RSPH14: variants seen among roughly 807,000 people sequenced by gnomAD.
The protein encoded by RSPH14 is rhabdoid tumor deletion region gene 1.
RSPH14 carries 20 observed loss-of-function variants against 26.7 expected under a neutral mutation model. The observed-to-expected ratio is 0.75, with a 90% CI of 0.53 to 1.09. The LOEUF is 1.09. RSPH14 is among the 50% of genes least tolerant of loss of function. The pLI is 0.00. For missense variants in RSPH14, 449 were observed against 457.2 expected (o/e 0.98, Z 0.16); for synonymous variants, 177 against 189.3 (o/e 0.93, Z 0.53).
At chr22:23,124,645 T>C (rs552603708) in intron 4 of RSPH14, 25 of 221,456 alleles carry the variant, frequency 1.1e-4, no homozygotes. Flanking sequence ...GAGCAAGGGG[T>C]GGTGCCCCTG....
At chr22:23,086,554 A>G (rs2068825591) in intron 4 of RSPH14, among the ~76,000 whole-genome samples, 1 of 152,210 alleles carries the variant, frequency 6.6e-6, no homozygotes, top group African/African-American at 2.4e-5. Context: ...AGTTGAGGAA[A>G]GCACAGCAGA....
At chr22:23,125,505 G>A (rs375894499) in intron 4 of RSPH14, among the ~76,000 whole-genome samples, 19 of 152,284 alleles carry the variant, frequency 1.2e-4, no homozygotes, top group East Asian at 3.9e-4. Flanking sequence ...AGCATGCAGT[G>A]CTCGCTGACT....
chr22:23,086,423 C>G (rs895881913), intron 4 of RSPH14, among the ~76,000 whole-genome samples: 1 of 152,242 alleles, frequency 6.6e-6, no homozygotes, highest in Admixed American at 6.5e-5. Flanking sequence ...TGGCAGCAGA[C>G]GGGGTGGCAC....
chr22:23,152,251 A>T, the RSPH14 span, among the ~76,000 whole-genome samples: 1 of 152,114 alleles, frequency 6.6e-6, no homozygotes, highest in Non-Finnish European at 1.5e-5. Context: ...TGAGGGGTGC[A>T]GCTCTAGGGG....
chr22:23,116,462 G>A lies in RSPH14; in HGVS notation c.421+17564C>T, dbSNP rs563355295. On this transcript the variant is annotated intron_variant, in intron 4 of 6. Coordinates refer to ENST00000216036, the MANE Select transcript of RSPH14 (RefSeq NM_014433.3). ...GAGCAGGCCAGTGTCCCTCCCACCC[G>A]GCCCAGTCCCTGGTCCCTGGGTAGT... Among the ~76,000 whole-genome samples, 3 of 152,304 alleles carry A rather than the reference G, an allele frequency of 2.0e-5. No homozygotes were observed. The South Asian group carries it at 6.2e-4, about 32-fold the overall frequency.
chr22:23,075,184 G>T (rs950253896), intron 4 of RSPH14, among the ~76,000 whole-genome samples: 1 of 152,150 alleles, frequency 6.6e-6, no homozygotes, highest in Non-Finnish European at 1.5e-5. Flanking sequence ...CCTGCCTGCT[G>T]CCCAGTCCCC....
the RSPH14 span, among the ~76,000 whole-genome samples, chr22:23,176,790 G>C: frequency 6.6e-6 from 1 of 151,888 alleles, no homozygotes; most frequent in African/African-American, 2.4e-5. Flanking sequence ...CACCTCCCAC[G>C]CCCAACCTTC....
In RSPH14 at chr22:23,066,763, G is replaced by A. The variant is rs1407952169; in HGVS notation, c.422-2630C>T. 2.6e-5 allele frequency among the ~76,000 whole-genome samples: 4 copies of A among 152,126 alleles called. No individual in the cohort carries two copies. The South Asian group carries it at 6.2e-4, about 24-fold the overall frequency. ...CCTGAGCGTCCGCTGGGGGTGGGGG[G>A]TGGTTGCAGAAGAGGTAGGACAGGT... On this transcript the variant is annotated intron_variant, in intron 4 of 6. Transcript: ENST00000216036.
At chr22:23,126,225 A>G (rs148782872) in intron 4 of RSPH14, among the ~76,000 whole-genome samples, 1 of 152,340 alleles carries the variant, frequency 6.6e-6, no homozygotes, top group East Asian at 1.9e-4. Flanking sequence ...TAATGTGTGC[A>G]AAGATCAGAG....
intron 5 of RSPH14, 143 bp from the exon 6 acceptor site, chr22:23,062,088 G>A: frequency 2.0e-6 from 2 of 1,017,118 alleles, no homozygotes; most frequent in Non-Finnish European, 2.9e-6. Context: ...CATGATCCAG[G>A]ACTGGTCATG....
chr22:23,121,720 CTTTT>C (rs10598505), intron 4 of RSPH14, among the ~76,000 whole-genome samples: 12 of 123,162 alleles, frequency 9.7e-5, no homozygotes, highest in Non-Finnish European at 1.2e-4. Context: ...AGAAAAGTTC[CTTTT>C]TTTTTTTTTT....
At chr22:23,137,582 CTTCAAATCCTGAACCGATT>C (rs2070503995) in intron 3 of RSPH14, among the ~76,000 whole-genome samples, 1 of 152,016 alleles carries the variant, frequency 6.6e-6, no homozygotes, top group South Asian at 2.1e-4. Context: ...TTTTTTTTCC[CTTCAAATCCTGAACCGATT>C]TGAAGCCTCT....
At chr22:23,136,061 G>A (rs1429782098) in intron 3 of RSPH14, 7 of 409,170 alleles carry the variant, frequency 1.7e-5, no homozygotes, top group Admixed American at 4.4e-5. Flanking sequence ...GAAAGTCACC[G>A]TTGGACACAC....
intron 4 of RSPH14, among the ~76,000 whole-genome samples, chr22:23,077,505 C>G (rs2068539423): frequency 6.6e-6 from 1 of 152,156 alleles, no homozygotes; most frequent in Non-Finnish European, 1.5e-5. Context: ...CAGCAAGGAG[C>G]CCCTAGAAGC....
At chr22:23,063,557 G>T (rs1426885901) in intron 5 of RSPH14, among the ~76,000 whole-genome samples, 1 of 152,198 alleles carries the variant, frequency 6.6e-6, no homozygotes, top group Non-Finnish European at 1.5e-5. Flanking sequence ...TAAATGTGAG[G>T]TTTGTAGACA....
intron 4 of RSPH14, among the ~76,000 whole-genome samples, chr22:23,130,546 G>T (rs1223451955): frequency 2.6e-5 from 4 of 151,588 alleles, no homozygotes; most frequent in South Asian, 4.2e-4. Context: ...AAGAAGGAAA[G>T]AAGGAAAGAA....
the RSPH14 span, among the ~76,000 whole-genome samples, chr22:23,173,335 CAT>C: frequency 1.3e-5 from 2 of 152,136 alleles, no homozygotes; most frequent in Non-Finnish European, 2.9e-5. Flanking sequence ...GGGGTTTCAA[CAT>C]GTTAGCCAGG....
chr22:23,162,571 T>C, the RSPH14 span: 1 of 450,170 alleles, frequency 2.2e-6, no homozygotes, highest in South Asian at 1.6e-5. Flanking sequence ...CTCCTGCACA[T>C]GCAGAGCAGA....
At position 23,140,250 on chromosome 22, in the gene RSPH14, G is replaced by A. The variant is rs374993502; in HGVS notation, c.171C>T (p.Pro57=). Residue 57 remains proline, a synonymous_variant, in exon 2 of 7, where the codon CCC becomes CCT. Transcript: ENST00000216036. The stretch of plus-strand genomic sequence containing the variant: ...TGTTCATGGCCTTGTAGATACACTC[G>A]GGGTCATGCATGAGGTCACACAAGG... ...LMALCDLMHD[P]ECIYKAMNIG... 35 of 1,614,060 alleles carry A rather than the reference G, an allele frequency of 2.2e-5. No individual in the cohort carries two copies. The highest frequency in any genetic ancestry group is 1.4e-4 in the South Asian group (13 of 91,070).
Sources: allele counts gnomAD v4.1 joint callset (sites outside exome capture counted in the v4.1 genomes callset), GRCh38; gene constraint gnomAD v4.1.1; transcripts MANE v1.5; gene names NCBI Gene and HGNC (gene_info 2026-07-23, HGNC 2026-07-21).